Variants in TCF12 observed in about 807,000 individuals in gnomAD.
TCF12 encodes transcription factor 12.
TCF12 carries 45 observed loss-of-function variants against 86.0 expected under a neutral mutation model. The observed-to-expected ratio is 0.52, with a 90% CI of 0.41 to 0.67. The LOEUF (loss-of-function observed/expected upper bound fraction) is 0.67. Ranked by LOEUF, TCF12 falls within the 30% of genes least tolerant of loss-of-function variation. The pLI, the probability that TCF12 is intolerant of heterozygous loss-of-function variation, is 0.00. For synonymous variants in TCF12, 330 were observed against 299.6 expected, an observed-to-expected ratio of 1.10 and a Z score of -1.05; for missense variants, 881 against 859.9, an observed-to-expected ratio of 1.02 and a Z score of -0.31.
intron 8 of TCF12, among the ~76,000 whole-genome samples, chr15:57,216,895 G>A (rs904784744): frequency 9.2e-5 from 14 of 151,940 alleles, no homozygotes; most frequent in Admixed American, 2.6e-4. Context: ...TAGAATATAG[G>A]GGCATTTTAT....
Position 57,282,546 on chromosome 15 carries a change from C to T in TCF12, c.2080C>T (p.Pro694Ser), listed in dbSNP as rs1484486641. Residue 694 changes from proline to serine, a missense_variant, in exon 20 of 21, where the codon CCT (proline) becomes TCT (serine). Pro to Ser is a moderately conservative substitution (Grantham distance 74, BLOSUM62 -1). This residue lies in a region of TCF12 where 69 missense variants were observed against 64.2 expected (regional missense o/e 1.07). Coordinates refer to ENST00000333725, the MANE Select transcript of TCF12 (RefSeq NM_207037.2). Reference sequence around the variant, plus strand: ...GCCAACCACACTGCCAGGAACCCATCCTGGGCTTAGTGAAACTACCAACCC... The same window carrying T: ...GCCAACCACACTGCCAGGAACCCATTCTGGGCTTAGTGAAACTACCAACCC... ...EPPTTLPGTH[P>S]GLSETTNPMG... 7 of 1,614,248 alleles carry T rather than the reference C, an allele frequency of 4.3e-6. No homozygotes were observed. Among genetic ancestry groups the T allele is most frequent in the Non-Finnish European group, 5.9e-6 (7 of 1,180,042 alleles).
At chr15:57,225,328 C>T (rs748964098) in intron 8 of TCF12, among the ~76,000 whole-genome samples, 42 of 150,184 alleles carry the variant, frequency 2.8e-4, no homozygotes, top group Non-Finnish European at 5.0e-4. Context: ...CAAGCTCCGC[C>T]TCCCAGGTTC....
intron 19 of TCF12, among the ~76,000 whole-genome samples, chr15:57,274,739 A>T (rs527583977): frequency 6.6e-6 from 1 of 152,192 alleles, no homozygotes; most frequent in Admixed American, 6.5e-5. Context: ...TGTTAAAGCC[A>T]CTGCCTCCAT....
intron 3 of TCF12, among the ~76,000 whole-genome samples, chr15:56,987,199 C>T (rs1325310081): frequency 2.0e-5 from 3 of 152,100 alleles, no homozygotes; most frequent in African/African-American, 7.2e-5. Flanking sequence ...GCAACCTCCA[C>T]CTCCTGGGTT....
Position 57,243,542 on chromosome 15 carries a change from C to T in TCF12, c.1106C>T (p.Pro369Leu). The change falls in exon 13 of 21, where the codon CCT becomes CTT. Residue 369 changes from proline (P) to leucine (L), a missense_variant. Around this residue, in one of 3 missense-constraint regions of TCF12, gnomAD observed 766 missense variants for 718.9 expected, o/e 1.07. Coordinates refer to ENST00000333725, the MANE Select transcript of TCF12 (RefSeq NM_207037.2). ...TCAACACCAGTTGGATCACCTTCAC[C>T]TCTCACAGGTAGGCTTCTGTTTTAT... Reference protein sequence around the residue: ...NPSTPVGSPSPLTGTSQWPRP... With the variant: ...NPSTPVGSPSLLTGTSQWPRP... The T allele has an allele frequency of 6.2e-7, 1 of 1,613,566 alleles. No homozygotes were observed. The highest frequency in any genetic ancestry group is 8.5e-7 in the Non-Finnish European group (1 of 1,179,546).
At chr15:57,270,141 C>G (rs140024146) in intron 18 of TCF12, among the ~76,000 whole-genome samples, 2,150 of 152,296 alleles carry the variant, frequency 0.014, 54 homozygotes, top group African/African-American at 0.045. Flanking sequence ...GGATAATATC[C>G]TGAAGAGTGT....
At chr15:56,966,668 C>T (rs1628067) in intron 3 of TCF12, among the ~76,000 whole-genome samples, 84,502 of 152,042 alleles carry the variant, frequency 0.56, 24,844 homozygotes, top group African/African-American at 0.74. Context: ...GACTTTGATA[C>T]TAAAAACACT....
chr15:57,217,202 A>C (rs2058368327), intron 8 of TCF12, among the ~76,000 whole-genome samples: 1 of 152,154 alleles, frequency 6.6e-6, no homozygotes, highest in African/African-American at 2.4e-5. Flanking sequence ...TTTCACATTC[A>C]GGTTTCATGT....
intron 3 of TCF12, among the ~76,000 whole-genome samples, chr15:56,939,208 T>TTGTATACAATGTATACAAA (rs2140330662): frequency 6.6e-6 from 1 of 152,242 alleles, no homozygotes; most frequent in East Asian, 1.9e-4. Context: ...GTCTTTGTAT[T>TTGTATACAATGTATACAAA]TGTATACATT....
intron 3 of TCF12, among the ~76,000 whole-genome samples, chr15:56,941,559 G>A (rs895097928): frequency 6.6e-6 from 1 of 151,896 alleles, no homozygotes; most frequent in African/African-American, 2.4e-5. Flanking sequence ...TTTTTCAGTA[G>A]AGACAGGGTT....
intron 3 of TCF12, among the ~76,000 whole-genome samples, chr15:56,948,754 T>G (rs915981475): frequency 4.6e-5 from 7 of 152,174 alleles, no homozygotes; most frequent in Admixed American, 4.6e-4. Context: ...AACATCAAAA[T>G]GTATTGCAAG....
chr15:56,991,793 C>CTT (rs35194092), intron 3 of TCF12, among the ~76,000 whole-genome samples: 3 of 151,732 alleles, frequency 2.0e-5, no homozygotes, highest in East Asian at 1.9e-4. Context: ...TTATAGTGCC[C>CTT]TTTTTTTTAT....
At chr15:57,222,271 G>T (rs192450490) in intron 8 of TCF12, among the ~76,000 whole-genome samples, 1 of 150,368 alleles carries the variant, frequency 6.7e-6, no homozygotes, top group African/African-American at 2.4e-5. Context: ...ATATTTAAGG[G>T]TATTTCAGAT....
At chr15:56,963,712 T>A (rs553309913) in intron 3 of TCF12, among the ~76,000 whole-genome samples, 2 of 152,352 alleles carry the variant, frequency 1.3e-5, no homozygotes, top group South Asian at 4.1e-4. Context: ...ATGCACCTAC[T>A]TATTTTTAAG....
At chr15:57,148,206 AAAAG>A (rs36171297) in intron 5 of TCF12, among the ~76,000 whole-genome samples, 146,644 of 150,900 alleles carry the variant, frequency 0.97, 71,387 homozygotes, top group East Asian at 1. Context: ...CAGTATAATA[AAAAG>A]AAAGAAAGAA....
Position 57,069,026 on chromosome 15 carries a change from G to C in TCF12, c.222+5203G>C, listed in dbSNP as rs140975561. 2.9e-4 allele frequency among the ~76,000 whole-genome samples: 44 copies of C among 152,240 alleles called. No homozygotes were observed. In the East Asian group the frequency reaches 7.9e-3, roughly 27 times the overall value. ...GTTTCTAGAATGTCGAGTTATATGAGTTTGTGGAAATGTCAAGAGGCCAGG... is the reference window on the plus strand; with the variant it reads ...GTTTCTAGAATGTCGAGTTATATGACTTTGTGGAAATGTCAAGAGGCCAGG... On this transcript the variant is annotated intron_variant, in intron 4 of 20. Coordinates refer to ENST00000333725, the MANE Select transcript of TCF12 (RefSeq NM_207037.2).
intron 3 of TCF12, among the ~76,000 whole-genome samples, chr15:56,969,535 A>AC (rs777446004): frequency 1.5e-5 from 2 of 130,026 alleles, no homozygotes; most frequent in African/African-American, 6.0e-5. Context: ...CCAGTTGGAG[A>AC]TTTTTTTTTT....
intron 3 of TCF12, among the ~76,000 whole-genome samples, chr15:56,962,453 G>T (rs1343580934): frequency 6.6e-6 from 1 of 152,088 alleles, no homozygotes; most frequent in African/African-American, 2.4e-5. Flanking sequence ...ATTCATGTTG[G>T]ACAGCTTCCT....
At chr15:57,086,212 GATAATA>G (rs60173159) in intron 4 of TCF12, among the ~76,000 whole-genome samples, 1,899 of 141,616 alleles carry the variant, frequency 0.013, 41 homozygotes, top group African/African-American at 0.046. Context: ...GGATGATGAT[GATAATA>G]ATAATAATAA....
Sources: gnomAD v4.1 joint callset for allele counts (sites outside exome capture counted in the v4.1 genomes callset) on GRCh38, gnomAD v4.1.1 for gene constraint, gnomAD v4.1.1 regional missense constraint, MANE v1.5 for transcripts, NCBI Gene and HGNC (gene_info 2026-07-23, HGNC 2026-07-21) for gene names.